BMX: variants seen among roughly 807,000 people sequenced by gnomAD.
The protein encoded by BMX is BMX non-receptor tyrosine kinase.
In BMX, 31 loss-of-function variants were observed where a neutral mutation model predicts 59.2. The observed-to-expected ratio is 0.52, with a 90% CI of 0.39 to 0.71. The LOEUF (loss-of-function observed/expected upper bound fraction) is 0.71, where lower values mean the gene tolerates loss of function less well. Among genes scored for constraint, BMX ranks in the 30% least tolerant of loss-of-function variants. The pLI is 0.00. For missense variants in BMX, 474 were observed against 491.7 expected, an observed-to-expected ratio of 0.96 and a Z score of 0.34; for synonymous variants, 185 against 181.0, an observed-to-expected ratio of 1.02 and a Z score of -0.18.
chrX:15,528,645 G>A (rs1924913682), intron 9 of BMX, among the ~76,000 whole-genome samples: 1 of 109,815 alleles, frequency 9.1e-6, no homozygotes, highest in African/African-American at 3.4e-5. Context: ...GTGACAGAGT[G>A]AGACCCTGTC....
chrX:15,520,156 T>G (rs1924376343), intron 6 of BMX, among the ~76,000 whole-genome samples: 1 of 112,524 alleles, frequency 8.9e-6, no homozygotes, highest in South Asian at 3.7e-4. Flanking sequence ...TTTTTGTGGT[T>G]CTAATCCACC....
Position 15,522,605 on chromosome X carries a change from G to C in BMX, c.752+18G>C, listed in dbSNP as rs775764903. On this transcript the variant is annotated intron_variant, in intron 7 of 18. Transcript: ENST00000348343. ...CTGAAAAGGTAATCCCCAGCTTTCA[G>C]ACGGGCTGCCCAGCATGTAGAGTAA... 2 of 1,209,692 alleles carry C rather than the reference G, an allele frequency of 1.7e-6. No homozygotes were observed. Among genetic ancestry groups the C allele is most frequent in the Non-Finnish European group, 2.2e-6 (2 of 894,546 alleles).
In BMX at chrX:15,550,076, C is replaced by T. The variant is rs1191815020; in HGVS notation, c.1953+79C>T. On this transcript the variant is annotated intron_variant, in intron 18 of 18. Coordinates refer to ENST00000348343, the MANE Select transcript of BMX (RefSeq NM_203281.3). Reference sequence around the variant, plus strand: ...TTACTGCATCACCACTGGGACAAAGCTTTTTTGAGGGAAAGCAACTGGTAC... The same window carrying T: ...TTACTGCATCACCACTGGGACAAAGTTTTTTTGAGGGAAAGCAACTGGTAC... 10 of 1,090,261 alleles carry T rather than the reference C, an allele frequency of 9.2e-6. No individual in the cohort carries two copies. The East Asian group carries it at 2.8e-4, about 30-fold the overall frequency. 89.8% of individuals were successfully genotyped at this position (1,090,261 alleles called of 1,213,427 possible).
rs776789958 is a variant in BMX at position 15,533,204 on chromosome X, A to AT, written c.1020-1004dup. Among the ~76,000 whole-genome samples, 4 of 112,100 alleles carry AT rather than the reference A, an allele frequency of 3.6e-5. No homozygotes were observed. The East Asian group carries it at 1.1e-3, about 31-fold the overall frequency. On this transcript the variant is annotated intron_variant, in intron 11 of 18. Transcript: ENST00000348343. The stretch of plus-strand genomic sequence containing the variant: ...ACAATTTTTTAATTTTTTAGCTTTT[A>AT]TTTTAAGTTGATTGGTACATGTGAC...
intron 7 of BMX, 45 bp downstream of exon 7, chrX:15,522,632 C>T: frequency 8.4e-7 from 1 of 1,197,034 alleles, no homozygotes; most frequent in Non-Finnish European, 1.1e-6. Flanking sequence ...GTAGAGTAAA[C>T]ACTACCCCGG....
chrX:15,512,167 T>C (rs183816215), intron 4 of BMX, among the ~76,000 whole-genome samples: 14 of 111,550 alleles, frequency 1.3e-4, no homozygotes, highest in African/African-American at 4.6e-4. Flanking sequence ...TTTTATTCAG[T>C]GATGTTTAGG....
chrX:15,505,796 G>T (rs1248197457), intron 1 of BMX, among the ~76,000 whole-genome samples: 2 of 111,611 alleles, frequency 1.8e-5, no homozygotes, highest in Non-Finnish European at 3.8e-5. Flanking sequence ...TCAATACACA[G>T]AGGCAACTTT....
chrX:15,522,214 C>A (rs1292822786), intron 6 of BMX, 132 bp from the exon 7 acceptor site: 4 of 833,096 alleles, frequency 4.8e-6, no homozygotes, highest in Non-Finnish European at 6.8e-6. Context: ...TTCCTCCCTT[C>A]CTCCCTCCCT....
intron 18 of BMX, among the ~76,000 whole-genome samples, chrX:15,552,426 G>A (rs1926243131): frequency 8.9e-6 from 1 of 112,081 alleles, no homozygotes; most frequent in African/African-American, 3.2e-5. Flanking sequence ...TTTGAATAAT[G>A]TTCTTTCCCC....
In BMX at chrX:15,535,113, C is replaced by T. The variant is rs187527198; in HGVS notation, c.1147+774C>T. Reference sequence around the variant, plus strand: ...AAGAATACTTAAAATGTACAGATTGCCAACTGCTTTTCAGAAATGTACAAT... The same window carrying T: ...AAGAATACTTAAAATGTACAGATTGTCAACTGCTTTTCAGAAATGTACAAT... On this transcript the variant is annotated intron_variant, in intron 12 of 18. Coordinates refer to ENST00000348343, the MANE Select transcript of BMX (RefSeq NM_203281.3). Among the ~76,000 whole-genome samples, 44 of 112,026 alleles carry T rather than the reference C, an allele frequency of 3.9e-4. No homozygotes were observed. In the Middle Eastern group the frequency reaches 0.018, roughly 47 times the overall value.
chrX:15,527,998 A>G (rs919610501), intron 9 of BMX, among the ~76,000 whole-genome samples: 46 of 112,662 alleles, frequency 4.1e-4, no homozygotes, highest in African/African-American at 1.4e-3. Context: ...TGTGGATTGT[A>G]CTCTTTAGCA....
intron 14 of BMX, among the ~76,000 whole-genome samples, chrX:15,537,685 A>G (rs1925436568): frequency 9.0e-6 from 1 of 110,742 alleles, no homozygotes; most frequent in South Asian, 3.9e-4. Context: ...CAGTACACAC[A>G]AGCTCCCTCT....
intron 2 of BMX, 34 bp from the exon 3 acceptor site, chrX:15,509,295 C>T (rs1923856689): frequency 1.8e-6 from 2 of 1,108,483 alleles, no homozygotes; most frequent in South Asian, 1.9e-5. Flanking sequence ...TGATGTATTG[C>T]AGGAAGTATC....
chrX:15,522,907 G>A (rs892203417), intron 7 of BMX, among the ~76,000 whole-genome samples: 2 of 112,168 alleles, frequency 1.8e-5, no homozygotes, highest in African/African-American at 6.5e-5. Context: ...ATATGAAAGA[G>A]CTTAGGATGG....
At chrX:15,525,180 C>A in intron 7 of BMX, 108 bp from the exon 8 acceptor site, 1 of 755,495 alleles carries the variant, frequency 1.3e-6, no homozygotes, top group South Asian at 3.3e-5. Flanking sequence ...ATGTGTGGGT[C>A]AAAATGTCAA....
chrX:15,542,985 T>A, intron 15 of BMX, 86 bp from the exon 16 acceptor site: 3 of 908,023 alleles, frequency 3.3e-6, no homozygotes, highest in Non-Finnish European at 4.7e-6. Context: ...TCTTAGATTT[T>A]GCTGAGAATT....
intron 1 of BMX, among the ~76,000 whole-genome samples, chrX:15,506,942 C>T (rs1180695094): frequency 8.9e-6 from 1 of 112,680 alleles, no homozygotes; most frequent in Non-Finnish European, 1.9e-5. Context: ...AAATAATGCC[C>T]TTGGAGGACA....
intron 17 of BMX, among the ~76,000 whole-genome samples, chrX:15,548,485 T>C (rs233570): frequency 0.011 from 1,197 of 111,833 alleles, 7 homozygotes; most frequent in African/African-American, 0.016. Flanking sequence ...TTGATAATCA[T>C]GCATCAATTA....
intron 18 of BMX, among the ~76,000 whole-genome samples, chrX:15,552,764 G>C (rs1465126663): frequency 3.6e-5 from 4 of 112,192 alleles, no homozygotes. Context: ...TGGCAGAAAG[G>C]TATGAGTTTG....
Sources: gnomAD v4.1 joint callset for allele counts (sites outside exome capture counted in the v4.1 genomes callset) on GRCh38, gnomAD v4.1.1 for gene constraint, MANE v1.5 for transcripts, NCBI Gene and HGNC (gene_info 2026-07-23, HGNC 2026-07-21) for gene names.